HMGB1: variants seen among roughly 807,000 people sequenced by gnomAD.
HMGB1 encodes high mobility group box 1.
For missense variants in HMGB1, 79 were observed against 253.5 expected (o/e 0.31, Z 4.67); for synonymous variants, 81 against 84.0 (o/e 0.96, Z 0.19).
rs568730423 is a variant in HMGB1, at chr13:30,554,770, G to A, written c.-15+61901C>T. 2.2e-5 allele frequency: 17 copies of A among 767,772 alleles called. No homozygotes were observed. The East Asian group carries it at 3.9e-4, about 18-fold the overall frequency. 47.6% of individuals were successfully genotyped at this position (767,772 alleles called of 1,614,324 possible). On this transcript the variant is annotated intron_variant, in intron 1 of 4. Transcript: ENST00000405805. The stretch of plus-strand genomic sequence containing the variant: ...CAGAAGGTGCAGCAGATGAAACAGA[G>A]GCTAAATGAGAACGAACAAAAAAGA...
intron 1 of HMGB1, among the ~76,000 whole-genome samples, chr13:30,539,137 T>C (rs1477015814): frequency 6.6e-6 from 1 of 152,186 alleles, no homozygotes; most frequent in South Asian, 2.1e-4. Context: ...CCTTAAGTGA[T>C]CCGCCCGCCT....
Position 30,541,796 on chromosome 13 carries a change from C to A in HMGB1, c.-15+74875G>T, listed in dbSNP as rs575911915. On this transcript the variant is annotated intron_variant, in intron 1 of 4. Coordinates refer to the HMGB1 transcript ENST00000405805. ...CCCACCATGGGTGTATTTGGTATAACCAGAGTGCCCAAAGTTCTTGCATGA... is the reference window on the plus strand; with the variant it reads ...CCCACCATGGGTGTATTTGGTATAAACAGAGTGCCCAAAGTTCTTGCATGA... The A allele has an allele frequency of 6.7e-4, 104 of 154,382 alleles. 3 individuals are homozygous for A. The South Asian group carries it at 0.015, about 22-fold the overall frequency. 9.6% of individuals were successfully genotyped at this position (154,382 alleles called of 1,614,324 possible). A position where few individuals can be genotyped will look rare whatever the true frequency, so the allele number is the denominator to read the frequency against.
At chr13:30,611,575 A>G (rs2137575422) in intron 1 of HMGB1, among the ~76,000 whole-genome samples, 1 of 152,308 alleles carries the variant, frequency 6.6e-6, no homozygotes, top group South Asian at 2.1e-4. Context: ...CTATAATTAA[A>G]ATTAATCATT....
intron 1 of HMGB1, among the ~76,000 whole-genome samples, chr13:30,524,712 T>A (rs9579593): frequency 5.0e-3 from 86 of 17,174 alleles, no homozygotes; most frequent in Middle Eastern, 0.032. Flanking sequence ...ATAATAATAA[T>A]AATAATAATA....
intron 1 of HMGB1, among the ~76,000 whole-genome samples, chr13:30,573,069 G>C (rs544879947): frequency 6.6e-6 from 1 of 152,142 alleles, no homozygotes; most frequent in African/African-American, 2.4e-5. Context: ...GTACTTAAAG[G>C]AATCTAGAAG....
intron 1 of HMGB1, among the ~76,000 whole-genome samples, chr13:30,549,097 C>T (rs1869298610): frequency 6.6e-6 from 1 of 152,012 alleles, no homozygotes; most frequent in Admixed American, 6.6e-5. Flanking sequence ...AGGAGTTCAA[C>T]ACCAGCCTGG....
chr13:30,561,987 T>A (rs1869972262), intron 1 of HMGB1, among the ~76,000 whole-genome samples: 2 of 152,248 alleles, frequency 1.3e-5, no homozygotes, highest in East Asian at 3.9e-4. Flanking sequence ...ATCTCCCTGG[T>A]TAATGATGGA....
At chr13:30,552,189 T>C (rs1215063049) in intron 1 of HMGB1, among the ~76,000 whole-genome samples, 2 of 152,218 alleles carry the variant, frequency 1.3e-5, no homozygotes, top group African/African-American at 4.8e-5. Flanking sequence ...TTAGTTATAT[T>C]CACCAGTTAT....
intron 1 of HMGB1, among the ~76,000 whole-genome samples, chr13:30,613,342 T>C (rs965200549): frequency 6.6e-6 from 1 of 152,188 alleles, no homozygotes; most frequent in Non-Finnish European, 1.5e-5. Context: ...GTTTTCTTAC[T>C]GGTAAAGTGG....
rs7987977 is a variant in HMGB1 at position 30,503,692 on chromosome 13, C to G, written c.-14-39998G>C. ...TTTTGAGAAACTCCTAGGTGCTAAG[C>G]TTAGGTGCTGCACAGGTCAACAAGA... On this transcript the variant is annotated intron_variant, in intron 1 of 4. Coordinates refer to the HMGB1 transcript ENST00000405805. Among the ~76,000 whole-genome samples the G allele has an allele frequency of 7.0e-3, 941 of 134,140 alleles. 6 individuals are homozygous for G. The highest frequency in any genetic ancestry group is 0.021 in the African/African-American group (757 of 35,738). The allele number at this position is 134,140 out of a possible 152,430, so 88.0% of individuals were successfully genotyped here. A position where few individuals can be genotyped will look rare whatever the true frequency, so the allele number is the denominator to read the frequency against.
chr13:30,487,342 T>C (rs911144047), intron 1 of HMGB1, among the ~76,000 whole-genome samples: 2 of 152,200 alleles, frequency 1.3e-5, no homozygotes, highest in Non-Finnish European at 2.9e-5. Context: ...CGCCATGAAA[T>C]ACTTGGCAAA....
chr13:30,494,405 AGG>A (rs1323367300), intron 1 of HMGB1, among the ~76,000 whole-genome samples: 1 of 151,976 alleles, frequency 6.6e-6, no homozygotes, highest in African/African-American at 2.4e-5. Context: ...CTTGTTGCCC[AGG>A]CTGGAGTGCA....
chr13:30,464,206 G>C, intron 1 of HMGB1: 1 of 985,274 alleles, frequency 1.0e-6, no homozygotes, highest in Non-Finnish European at 1.2e-6. Flanking sequence ...ATAAAACTTT[G>C]CTCCAAAGAG....
chr13:30,481,092 G>A (rs1379171551), intron 1 of HMGB1, among the ~76,000 whole-genome samples: 1 of 151,754 alleles, frequency 6.6e-6, no homozygotes, highest in African/African-American at 2.4e-5. Context: ...TAAACTTGCA[G>A]GTAGAAACTA....
intron 4 of HMGB1, 55 bp downstream of exon 4, chr13:30,462,483 A>G (rs779076230): frequency 4.3e-6 from 6 of 1,386,200 alleles, no homozygotes; most frequent in Non-Finnish European, 6.2e-6. Flanking sequence ...ACTAAGTACA[A>G]TCATACATCT....
chr13:30,563,450 A>C (rs992519544), intron 1 of HMGB1, among the ~76,000 whole-genome samples: 1 of 152,100 alleles, frequency 6.6e-6, no homozygotes, highest in African/African-American at 2.4e-5. Context: ...CTCTCTAAAA[A>C]ATTTTAAAAT....
intron 1 of HMGB1, among the ~76,000 whole-genome samples, chr13:30,583,825 CAAAA>C (rs781566280): frequency 4.0e-5 from 3 of 74,414 alleles, no homozygotes; most frequent in Non-Finnish European, 5.0e-5. Context: ...GACTCTGTCT[CAAAA>C]AAAAAAAAAA....
chr13:30,545,576 T>C (rs1869116128), intron 1 of HMGB1, among the ~76,000 whole-genome samples: 1 of 152,162 alleles, frequency 6.6e-6, no homozygotes, highest in African/African-American at 2.4e-5. Flanking sequence ...CCAGTATTCC[T>C]GAGTCTAGAG....
rs543083510 is a variant in HMGB1, at chr13:30,494,098, T to C, written c.-14-30404A>G. On this transcript the variant is annotated intron_variant, in intron 1 of 4. Coordinates refer to the HMGB1 transcript ENST00000405805. ...GTTATTTTAAAAATCTCCCATTGAG[T>C]GTTTGGCAGGCCACTCAAACTTCAC... 5.5e-4 allele frequency among the ~76,000 whole-genome samples: 84 copies of C among 152,242 alleles called. 1 individual carries two copies. The South Asian group carries it at 0.017, about 30-fold the overall frequency.
Sources: gnomAD v4.1 joint callset for allele counts (sites outside exome capture counted in the v4.1 genomes callset) on GRCh38, gnomAD v4.1.1 for gene constraint, MANE v1.5 for transcripts, NCBI Gene and HGNC (gene_info 2026-07-23, HGNC 2026-07-21) for gene names.